CNTNAP2: variants seen among roughly 807,000 people sequenced by gnomAD.
The protein encoded by CNTNAP2 is contactin associated protein 2.
CNTNAP2 carries 98 observed loss-of-function variants against 155.2 expected under a neutral mutation model. That is an observed-to-expected ratio of 0.63 (90% CI 0.54 to 0.75). The LOEUF is 0.75. Ranked by LOEUF, CNTNAP2 falls within the 30% of genes least tolerant of loss-of-function variation. The pLI is 0.00. For missense variants in CNTNAP2, 1,727 were observed against 1,688.1 expected, an observed-to-expected ratio of 1.02 and a Z score of -0.40; for synonymous variants, 651 against 631.2, an observed-to-expected ratio of 1.03 and a Z score of -0.47.
intron 14 of CNTNAP2, among the ~76,000 whole-genome samples, chr7:147,958,869 G>A (rs1563148882): frequency 6.6e-6 from 1 of 151,974 alleles, no homozygotes; most frequent in African/African-American, 2.4e-5. Flanking sequence ...GAATTACCTG[G>A]CACTATTGCT....
At position 146,207,637 on chromosome 7, in the gene CNTNAP2, G is replaced by GTTTTTTTTTTTTTTTT. The variant is rs57881187; in HGVS notation, c.97+90671_97+90686dup. On this transcript the variant is annotated intron_variant, in intron 1 of 23. Coordinates refer to ENST00000361727, the MANE Select transcript of CNTNAP2 (RefSeq NM_014141.6). ...CTTTCTTCAAACAGAACAGGACTGT[G>GTTTTTTTTTTTTTTTT]TTTTTTTTTTTTTTTTTTTTTTAAC... Among the ~76,000 whole-genome samples, 2 of 122,360 alleles carry GTTTTTTTTTTTTTTTT rather than the reference G, an allele frequency of 1.6e-5. 1 individual carries two copies. 80.3% of individuals were successfully genotyped at this position (122,360 alleles called of 152,430 possible). A position where few individuals can be genotyped will look rare whatever the true frequency, so the allele number is the denominator to read the frequency against.
chr7:147,143,642 T>G (rs901762532), intron 8 of CNTNAP2, among the ~76,000 whole-genome samples: 1 of 152,204 alleles, frequency 6.6e-6, no homozygotes, highest in African/African-American at 2.4e-5. Context: ...CATCAGTTTA[T>G]ATAAACCAAA....
chr7:146,333,887 G>C (rs1359812854), intron 1 of CNTNAP2, among the ~76,000 whole-genome samples: 1 of 152,148 alleles, frequency 6.6e-6, no homozygotes, highest in Non-Finnish European at 1.5e-5. Flanking sequence ...TGCCTGGAAA[G>C]TTTTCAAGGG....
At chr7:146,747,070 A>G (rs1237689599) in intron 1 of CNTNAP2, among the ~76,000 whole-genome samples, 1 of 152,172 alleles carries the variant, frequency 6.6e-6, no homozygotes, top group Non-Finnish European at 1.5e-5. Flanking sequence ...AAACTGGCTT[A>G]CTACCTAGTA....
chr7:146,645,631 CA>C lies in CNTNAP2; in HGVS notation c.98-128639del, dbSNP rs776520230. 3.3e-5 allele frequency among the ~76,000 whole-genome samples: 5 copies of C among 152,160 alleles called. No individual in the cohort carries two copies. The East Asian group carries it at 9.6e-4, about 29-fold the overall frequency. On this transcript the variant is annotated intron_variant, in intron 1 of 23. Coordinates refer to ENST00000361727, the MANE Select transcript of CNTNAP2 (RefSeq NM_014141.6). ...GACTGCATAACTGTATTCTTTTTAACAGCTTGACTGAGATATATTTATTCAC... is the reference window on the plus strand; with the variant it reads ...GACTGCATAACTGTATTCTTTTTAACGCTTGACTGAGATATATTTATTCAC...
intron 1 of CNTNAP2, among the ~76,000 whole-genome samples, chr7:146,285,175 G>A (rs1800306944): frequency 6.6e-6 from 1 of 152,064 alleles, no homozygotes; most frequent in South Asian, 2.1e-4. Context: ...TTTACTTTAA[G>A]TAGGTAAAAA....
intron 1 of CNTNAP2, among the ~76,000 whole-genome samples, chr7:146,745,411 A>G (rs1801792226): frequency 1.3e-5 from 2 of 152,166 alleles, no homozygotes; most frequent in South Asian, 4.1e-4. Context: ...AGGATCACAA[A>G]GTCAGTGGGT....
chr7:147,099,885 G>A (rs888921300), intron 4 of CNTNAP2, among the ~76,000 whole-genome samples: 3 of 152,182 alleles, frequency 2.0e-5, no homozygotes, highest in Non-Finnish European at 2.9e-5. Flanking sequence ...CAGCGAAGGC[G>A]AGAAGGCGAG....
chr7:147,273,023 C>G (rs1804794114), intron 8 of CNTNAP2, among the ~76,000 whole-genome samples: 1 of 152,064 alleles, frequency 6.6e-6, no homozygotes, highest in African/African-American at 2.4e-5. Context: ...CCATTTGCTG[C>G]TGTGGACTGT....
intron 12 of CNTNAP2, among the ~76,000 whole-genome samples, chr7:147,568,008 C>A (rs1292039864): frequency 6.6e-6 from 1 of 152,132 alleles, no homozygotes; most frequent in Non-Finnish European, 1.5e-5. Context: ...GTCACTTGAA[C>A]CCGGGGGGCA....
At chr7:148,023,125 G>T (rs1802314607) in intron 15 of CNTNAP2, among the ~76,000 whole-genome samples, 1 of 152,190 alleles carries the variant, frequency 6.6e-6, no homozygotes, top group South Asian at 2.1e-4. Flanking sequence ...GAATTAAACC[G>T]CAGCTCCCAT....
chr7:147,564,182 A>T (rs2116793674), intron 12 of CNTNAP2, among the ~76,000 whole-genome samples: 1 of 152,200 alleles, frequency 6.6e-6, no homozygotes. Flanking sequence ...TTTTCAAAAT[A>T]GAAATAAAAA....
chr7:148,004,500 G>T (rs1157708321), intron 15 of CNTNAP2, among the ~76,000 whole-genome samples: 1 of 152,090 alleles, frequency 6.6e-6, no homozygotes, highest in East Asian at 1.9e-4. Flanking sequence ...CAATGAATAT[G>T]AATATCTTTA....
At chr7:147,850,741 C>A (rs1299546310) in intron 13 of CNTNAP2, among the ~76,000 whole-genome samples, 1 of 152,176 alleles carries the variant, frequency 6.6e-6, no homozygotes, top group African/African-American at 2.4e-5. Flanking sequence ...GAAACTGGAT[C>A]CCTTCCTTAC....
At chr7:146,140,296 G>A (rs1391971647) in intron 1 of CNTNAP2, among the ~76,000 whole-genome samples, 1 of 152,098 alleles carries the variant, frequency 6.6e-6, no homozygotes, top group Admixed American at 6.6e-5. Flanking sequence ...TGATGGCAGA[G>A]TCTTCTTCCT....
intron 1 of CNTNAP2, among the ~76,000 whole-genome samples, chr7:146,553,905 TAAAA>T (rs1798157587): frequency 6.6e-6 from 1 of 152,190 alleles, no homozygotes; most frequent in Non-Finnish European, 1.5e-5. Context: ...TAGGTGAATA[TAAAA>T]TGATGTGATT....
rs567753935 is a variant in CNTNAP2 at position 147,839,449 on chromosome 7, G to A, written c.2099-64116G>A. Among the ~76,000 whole-genome samples the A allele has an allele frequency of 5.3e-5, 8 of 152,248 alleles. No individual in the cohort carries two copies. The South Asian group carries it at 6.2e-4, about 12-fold the overall frequency. On this transcript the variant is annotated intron_variant, in intron 13 of 23. Transcript: ENST00000361727. ...AGGTAAATCACAGTGAGGCTGGGTG[G>A]CGGTAAAGGAACATTTCCAGAGGCA...
chr7:147,124,995 C>G (rs542935400), intron 6 of CNTNAP2, among the ~76,000 whole-genome samples: 1 of 149,382 alleles, frequency 6.7e-6, no homozygotes, highest in Non-Finnish European at 1.5e-5. Context: ...ATTCTCCTGG[C>G]TCAGCCTCCT....
intron 21 of CNTNAP2, among the ~76,000 whole-genome samples, chr7:148,339,796 C>A (rs921791113): frequency 6.6e-6 from 1 of 152,146 alleles, no homozygotes; most frequent in Non-Finnish European, 1.5e-5. Context: ...GCAAGCAGCG[C>A]TTTTGGTCAA....
Sources: gnomAD v4.1 joint callset for allele counts (sites outside exome capture counted in the v4.1 genomes callset) on GRCh38, gnomAD v4.1.1 for gene constraint, MANE v1.5 for transcripts, NCBI Gene and HGNC (gene_info 2026-07-23, HGNC 2026-07-21) for gene names.